ZNF684: variants seen among roughly 807,000 people sequenced by gnomAD.
The protein encoded by ZNF684 is hypothetical protein MGC27466.
Under a neutral mutation model 12.8 loss-of-function variants are expected in ZNF684, and 13 were observed. The ratio of observed to expected loss-of-function variants is 1.02; its 90% CI spans 0.66 to 1.62. The LOEUF (loss-of-function observed/expected upper bound fraction) is 1.62, where lower values mean the gene tolerates loss of function less well. Ranked by LOEUF, ZNF684 falls within the 40% of genes most tolerant of loss-of-function variation. The probability of loss-of-function intolerance (pLI) is 0.00; values close to 1 mark genes in which losing one functional copy is unlikely to be tolerated. For synonymous variants in ZNF684, 118 were observed against 151.8 expected (o/e 0.78, Z 1.64); for missense variants, 384 against 446.9 (o/e 0.86, Z 1.27).
rs1038761463 is a variant in ZNF684 at position 40,533,298 on chromosome 1, A to G, written c.15+117A>G. The G allele has an allele frequency of 4.8e-6, 5 of 1,041,020 alleles. No individual in the cohort carries two copies. In the East Asian group the frequency reaches 7.8e-5, roughly 16 times the overall value. 64.5% of individuals were successfully genotyped at this position (1,041,020 alleles called of 1,614,324 possible). A position where few individuals can be genotyped will look rare whatever the true frequency, so the allele number is the denominator to read the frequency against. ...AATAAAAGATCAAGTCTAAAAGGAA[A>G]TTTAGAAGATTGGTAAGTTGATATT... On this transcript the variant is annotated intron_variant, in intron 2 of 4. Coordinates refer to ENST00000372699, the MANE Select transcript of ZNF684 (RefSeq NM_152373.4).
At position 40,541,819 on chromosome 1, in the gene ZNF684, A is replaced by G. The variant is rs901749143; in HGVS notation, c.238+109A>G. The G allele has an allele frequency of 2.1e-4, 172 of 825,676 alleles. 4 individuals carry two copies. The Middle Eastern group carries it at 4.7e-3, about 23-fold the overall frequency. 51.1% of individuals were successfully genotyped at this position (825,676 alleles called of 1,614,324 possible). A position where few individuals can be genotyped will look rare whatever the true frequency, so the allele number is the denominator to read the frequency against. On this transcript the variant is annotated intron_variant, in intron 4 of 4. Transcript: ENST00000372699. ...TAGAAGCACCTCTTAAAAGCCACAC[A>G]CCTTTAACATAACATCATCAGCCAG...
intron 1 of ZNF684, among the ~76,000 whole-genome samples, 163 bp from the exon 2 acceptor site, chr1:40,532,980 A>G (rs528451319): frequency 2.0e-4 from 30 of 152,348 alleles, no homozygotes; most frequent in Middle Eastern, 6.8e-3. Context: ...CTTATGGAAC[A>G]TGGACTTTTC....
intron 2 of ZNF684, among the ~76,000 whole-genome samples, chr1:40,534,233 A>G (rs1189419487): frequency 7.2e-6 from 1 of 139,854 alleles, no homozygotes; most frequent in Non-Finnish European, 1.5e-5. Context: ...GTCTTTTATT[A>G]TAATTTTTTT....
intron 2 of ZNF684, among the ~76,000 whole-genome samples, chr1:40,535,408 C>G (rs1343932432): frequency 1.3e-5 from 2 of 152,042 alleles, no homozygotes; most frequent in Non-Finnish European, 2.9e-5. Flanking sequence ...AGATGCAGAA[C>G]CTGCCAACCA....
intron 4 of ZNF684, chr1:40,544,366 G>A: frequency 2.3e-6 from 1 of 426,338 alleles, no homozygotes; most frequent in South Asian, 1.6e-5. Flanking sequence ...TTGTTTTCTT[G>A]TTGTTGTTTG....
intron 4 of ZNF684, among the ~76,000 whole-genome samples, chr1:40,542,480 C>T (rs921405326): frequency 2.0e-5 from 3 of 152,134 alleles, no homozygotes; most frequent in Non-Finnish European, 2.9e-5. Flanking sequence ...TCTTACTAAT[C>T]TGTTCTCACC....
At chr1:40,544,523 T>A (rs1646033493) in intron 4 of ZNF684, 1 of 296,338 alleles carries the variant, frequency 3.4e-6, no homozygotes, top group Non-Finnish European at 6.7e-6. Flanking sequence ...GGCTAATTTT[T>A]GTATTTTTAG....
intron 3 of ZNF684, 59 bp from the exon 4 acceptor site, chr1:40,541,556 T>G: frequency 6.2e-5 from 86 of 1,390,908 alleles, no homozygotes; most frequent in Non-Finnish European, 7.5e-5. Context: ...ACCCAAGTTG[T>G]GAGCTGGTTG....
chr1:40,533,584 G>A (rs1402566650), intron 2 of ZNF684, among the ~76,000 whole-genome samples: 1 of 152,104 alleles, frequency 6.6e-6, no homozygotes, highest in Non-Finnish European at 1.5e-5. Flanking sequence ...ACAGCATCAG[G>A]TTTCCTATGA....
rs1456769526 is a variant in ZNF684 at position 40,546,491 on chromosome 1, A to G, written c.239-71A>G. 4.2e-5 allele frequency: 59 copies of G among 1,391,826 alleles called. No homozygotes were observed. In the East Asian group the frequency reaches 1.3e-3, roughly 30 times the overall value. The allele number at this position is 1,391,826 out of a possible 1,614,324, so 86.2% of individuals were successfully genotyped here. On this transcript the variant is annotated intron_variant, in intron 4 of 4. Transcript: ENST00000372699. The stretch of plus-strand genomic sequence containing the variant: ...AGAATGAGATACTGTATTTGAAATT[A>G]TAGACGTTTTTCTCTATAGCATGTT...
Position 40,535,590 on chromosome 1 carries a change from TTG to T in ZNF684, c.15+2411_15+2412del, listed in dbSNP as rs199625787. ...TTTCCTCTTGTATTCTAGTAGATAG[TTG>T]TTTTTTTTTTATTTTGTTTTTAATC... On this transcript the variant is annotated intron_variant, in intron 2 of 4. Transcript: ENST00000372699. Among the ~76,000 whole-genome samples the T allele has an allele frequency of 1.4e-3, 180 of 127,884 alleles. 3 individuals carry two copies. In the East Asian group the frequency reaches 0.015, roughly 10 times the overall value. 83.9% of individuals were successfully genotyped at this position (127,884 alleles called of 152,430 possible). A position where few individuals can be genotyped will look rare whatever the true frequency, so the allele number is the denominator to read the frequency against.
Position 40,546,710 on chromosome 1 carries a change from A to G in ZNF684, c.387A>G (p.Arg129=), listed in dbSNP as rs749373867. ...TGAGCACAAGTCTTAATCCAATGAG[A>G]AAAAAATCATATAAATCGTTTGAGA... is the stretch of plus-strand genomic sequence containing the variant. ...YNMSTSLNPM[R]KKSYKSFEKC... is the part of the protein sequence containing the mutation. Residue 129 remains arginine, a synonymous_variant, in exon 5 of 5, where the codon AGA becomes AGG. Coordinates refer to ENST00000372699, the MANE Select transcript of ZNF684 (RefSeq NM_152373.4). 1 of 1,613,936 alleles carries G rather than the reference A, an allele frequency of 6.2e-7. No homozygotes were observed. The highest frequency in any genetic ancestry group is 1.3e-5 in the African/African-American group (1 of 75,054).
chr1:40,546,172 C>T (rs1416160632), intron 4 of ZNF684, among the ~76,000 whole-genome samples: 2 of 152,160 alleles, frequency 1.3e-5, no homozygotes, highest in East Asian at 1.9e-4. Flanking sequence ...CTGCCCGCCT[C>T]GGCCTGCCAA....
intron 2 of ZNF684, among the ~76,000 whole-genome samples, chr1:40,538,876 C>T (rs1220203291): frequency 1.3e-5 from 2 of 151,182 alleles, no homozygotes; most frequent in Non-Finnish European, 2.9e-5. Flanking sequence ...AAACTCTTTT[C>T]CATAGTTACA....
chr1:40,543,552 G>C (rs1446766375), intron 4 of ZNF684, among the ~76,000 whole-genome samples: 1 of 151,526 alleles, frequency 6.6e-6, no homozygotes, highest in Non-Finnish European at 1.5e-5. Flanking sequence ...CGCCTCCCGG[G>C]TTCACGCCAT....
intron 2 of ZNF684, among the ~76,000 whole-genome samples, chr1:40,539,323 C>A (rs1355875815): frequency 6.6e-6 from 1 of 152,130 alleles, no homozygotes; most frequent in Non-Finnish European, 1.5e-5. Flanking sequence ...GCCACTGCAC[C>A]TGGCCTCCAA....
At chr1:40,533,701 T>G (rs2885504) in intron 2 of ZNF684, among the ~76,000 whole-genome samples, 1 of 152,156 alleles carries the variant, frequency 6.6e-6, no homozygotes, top group Non-Finnish European at 1.5e-5. Context: ...CCTGGATCCA[T>G]AAGTAAATCT....
intron 2 of ZNF684, among the ~76,000 whole-genome samples, chr1:40,537,929 C>A (rs1645994035): frequency 6.6e-6 from 1 of 152,120 alleles, no homozygotes; most frequent in Non-Finnish European, 1.5e-5. Flanking sequence ...CTTTCTATGG[C>A]TTTTCTCTTC....
Position 40,547,372 on chromosome 1 carries a change from C to A in ZNF684, c.1049C>A (p.Thr350Lys). 6.2e-7 allele frequency: 1 copy of A among 1,614,136 alleles called. No homozygotes were observed. Among genetic ancestry groups the A allele is most frequent in the Non-Finnish European group, 8.5e-7 (1 of 1,180,022 alleles). ...SHLLRHQITH[T>K]GEKPYECNRC... Reference sequence around the variant, plus strand: ...CTCCTCAGACATCAGATAACTCATACAGGAGAGAAGCCCTATGAATGTAAC... The same window carrying A: ...CTCCTCAGACATCAGATAACTCATAAAGGAGAGAAGCCCTATGAATGTAAC... The change falls in exon 5 of 5, where the codon ACA becomes AAA. Residue 350 changes from threonine to lysine, a missense_variant. Coordinates refer to ENST00000372699, the MANE Select transcript of ZNF684 (RefSeq NM_152373.4).
Sources: gnomAD v4.1 joint callset for allele counts (sites outside exome capture counted in the v4.1 genomes callset) on GRCh38, gnomAD v4.1.1 for gene constraint, MANE v1.5 for transcripts, NCBI Gene and HGNC (gene_info 2026-07-23, HGNC 2026-07-21) for gene names.